The following MYO10 variants were observed in gnomAD, a reference collection of about 807,000 sequenced individuals.
MYO10 encodes the protein myosin X.
In MYO10, 133 loss-of-function variants were observed where a neutral mutation model predicts 257.3. The observed-to-expected ratio is 0.52, with a 90% confidence interval of 0.45 to 0.60. The LOEUF is 0.60. Among genes scored for constraint, MYO10 ranks in the 20% least tolerant of loss-of-function variants. The probability of loss-of-function intolerance (pLI) is 0.00; values close to 1 mark genes in which losing one functional copy is unlikely to be tolerated. For missense variants in MYO10, 2,399 were observed against 2,635.7 expected (o/e 0.91, Z 1.97); for synonymous variants, 1,104 against 1,028.6 (o/e 1.07, Z -1.40).
intron 1 of MYO10, among the ~76,000 whole-genome samples, chr5:16,878,394 C>T (rs1394638699): frequency 6.6e-6 from 1 of 152,172 alleles, no homozygotes; most frequent in Non-Finnish European, 1.5e-5. Context: ...CTTCAAAGTT[C>T]AGGATTGTAT....
intron 9 of MYO10, among the ~76,000 whole-genome samples, chr5:16,779,245 T>G (rs2126667495): frequency 6.6e-6 from 1 of 152,204 alleles, no homozygotes; most frequent in East Asian, 1.9e-4. Flanking sequence ...TTTGGGGGGT[T>G]TTTTGGGGGT....
At chr5:16,788,287 AT>A (rs1741652200) in intron 4 of MYO10, among the ~76,000 whole-genome samples, 2 of 152,150 alleles carry the variant, frequency 1.3e-5, no homozygotes, top group South Asian at 4.1e-4. Context: ...ACAGGGAGGC[AT>A]CAGGGATGAC....
At chr5:16,670,448 C>A (rs1579784848) in intron 39 of MYO10, 78 bp downstream of exon 39, 1 of 1,314,454 alleles carries the variant, frequency 7.6e-7, no homozygotes, top group Non-Finnish European at 1.0e-6. Context: ...TGTCTTCTCT[C>A]CACATGAACT....
chr5:16,680,225 A>AT (rs1044559276), intron 32 of MYO10, 121 bp from the exon 33 acceptor site: 4 of 1,224,030 alleles, frequency 3.3e-6, no homozygotes, highest in Non-Finnish European at 4.5e-6. Flanking sequence ...CACTGGCTTA[A>AT]TTCCTACATG....
At chr5:16,727,334 G>C (rs1048305409) in intron 19 of MYO10, among the ~76,000 whole-genome samples, 2 of 152,080 alleles carry the variant, frequency 1.3e-5, no homozygotes, top group African/African-American at 4.8e-5. Context: ...AAACAACAAG[G>C]CTTAAAATTC....
intron 1 of MYO10, among the ~76,000 whole-genome samples, chr5:16,935,213 T>C (rs1279365748): frequency 6.6e-6 from 1 of 152,104 alleles, no homozygotes; most frequent in Non-Finnish European, 1.5e-5. Context: ...AAATACATGA[T>C]CATTTGATCC....
At chr5:16,816,912 C>G (rs1055826659) in intron 3 of MYO10, among the ~76,000 whole-genome samples, 1 of 151,784 alleles carries the variant, frequency 6.6e-6, no homozygotes, top group Non-Finnish European at 1.5e-5. Context: ...CTCTGCCTCC[C>G]GGGTTCAAGC....
intron 19 of MYO10, among the ~76,000 whole-genome samples, chr5:16,720,061 G>GC (rs1739089671): frequency 6.6e-6 from 1 of 151,316 alleles, no homozygotes; most frequent in African/African-American, 2.4e-5. Flanking sequence ...CATAGACTAA[G>GC]CACCCACACA....
At chr5:16,769,241 T>C in intron 9 of MYO10, 38 bp from the exon 10 acceptor site, 1 of 1,543,712 alleles carries the variant, frequency 6.5e-7, no homozygotes, top group Non-Finnish European at 8.7e-7. Flanking sequence ...TATGTCGTTT[T>C]TTCACACTGA....
chr5:16,808,855 A>G lies in MYO10; in HGVS notation c.279+9154T>C, dbSNP rs574508847. Among the ~76,000 whole-genome samples, 89 of 152,120 alleles carry G rather than the reference A, an allele frequency of 5.9e-4. 1 individual carries two copies. The South Asian group carries it at 0.015, about 26-fold the overall frequency. On this transcript the variant is annotated intron_variant, in intron 3 of 40. Transcript: ENST00000513610. ...CCTGGCTAATTTTTGTATTTTTAGT[A>G]GAGATGGGGTTTCACCATGTTGGCC... is the stretch of plus-strand genomic sequence containing the variant.
At chr5:16,780,182 T>C (rs1487374995) in intron 8 of MYO10, among the ~76,000 whole-genome samples, 1 of 152,152 alleles carries the variant, frequency 6.6e-6, no homozygotes, top group African/African-American at 2.4e-5. Context: ...ATTACAGGTG[T>C]GTGCCACTGC....
intron 23 of MYO10, 131 bp from the exon 24 acceptor site, chr5:16,702,719 A>G (rs963828724): frequency 6.1e-6 from 6 of 983,980 alleles, no homozygotes; most frequent in African/African-American, 5.0e-5. Flanking sequence ...TCCTCTGGCC[A>G]TGGATTTATT....
At chr5:16,685,635 G>T (rs559480279) in intron 29 of MYO10, 103 bp downstream of exon 29, 101 of 856,598 alleles carry the variant, frequency 1.2e-4, no homozygotes, top group Middle Eastern at 3.2e-4. Context: ...TTTAAAAAAA[G>T]ACTGTCTGGA....
At chr5:16,891,610 G>A (rs1745063719) in intron 1 of MYO10, among the ~76,000 whole-genome samples, 1 of 152,144 alleles carries the variant, frequency 6.6e-6, no homozygotes, top group South Asian at 2.1e-4. Context: ...TACTTTAAAT[G>A]GGTGAATGTC....
Position 16,673,740 on chromosome 5 carries a change from T to C in MYO10, c.5114A>G (p.Tyr1705Cys), listed in dbSNP as rs745877715. 17 of 1,613,818 alleles carry C rather than the reference T, an allele frequency of 1.1e-5. No individual in the cohort carries two copies. The African/African-American group carries it at 1.2e-4, about 11-fold the overall frequency. The change falls in exon 36 of 41, where the codon TAT (tyrosine) becomes TGT (cysteine). Residue 1705 changes from tyrosine (Y) to cysteine (C), a missense_variant. Transcript: ENST00000513610. ...CTTGCAGGAGCCGCCGCCATGGCAA[T>C]AGACCGTGGATGTCATTTCCTGCCT... ...IHRQEMTSTV[Y>C]CHGGGSCKIT... is the part of the protein sequence containing the mutation.
chr5:16,778,688 G>GTTTTTTTTT (rs55880979), intron 9 of MYO10, among the ~76,000 whole-genome samples: 50 of 107,538 alleles, frequency 4.6e-4, no homozygotes, highest in African/African-American at 1.8e-3. Context: ...CTTTGCTGAG[G>GTTTTTTTTT]TTTTTTTTTT....
chr5:16,753,955 G>T (rs1740456182), intron 19 of MYO10, among the ~76,000 whole-genome samples: 1 of 152,008 alleles, frequency 6.6e-6, no homozygotes, highest in African/African-American at 2.4e-5. Flanking sequence ...ACCTTATGAG[G>T]ATGGCATCTA....
Position 16,701,638 on chromosome 5 carries a change from C to A in MYO10, c.2757G>T (p.Leu919=), listed in dbSNP as rs184661332. ...LSLTEASLQK[L]QERRDQELRR... Reference sequence around the variant, plus strand: ...GGAGCTCCTGGTCCCGCCGCTCCTGCAGCTTCTGCAGGGAAGCCTCGGTCA... The same window carrying A: ...GGAGCTCCTGGTCCCGCCGCTCCTGAAGCTTCTGCAGGGAAGCCTCGGTCA... Residue 919 remains leucine (L), a synonymous_variant, in exon 25 of 41, where the codon CTG becomes CTT. Transcript: ENST00000513610. This position sits in a 1 kb window ranked among gnomAD's most constrained non-coding sequence, Gnocchi z 8.1. 564 of 1,613,770 alleles carry A rather than the reference C, an allele frequency of 3.5e-4. 1 individual carries two copies. In the African/African-American group the frequency reaches 6.7e-3, roughly 19 times the overall value.
At position 16,804,477 on chromosome 5, in the gene MYO10, G is replaced by A. The variant is rs79656127; in HGVS notation, c.280-9644C>T. ...ACTTACTACTGGGTTTTTACTGTTT[G>A]TGTCCATGCACATGACAAATGGCAC... On this transcript the variant is annotated intron_variant, in intron 3 of 40. Transcript: ENST00000513610. 2.5e-3 allele frequency among the ~76,000 whole-genome samples: 374 copies of A among 152,310 alleles called. 4 individuals are homozygous for A. Among genetic ancestry groups the A allele is most frequent in the African/African-American group, 8.2e-3 (341 of 41,564 alleles).
Sources: gnomAD v4.1 joint callset for allele counts (sites outside exome capture counted in the v4.1 genomes callset) on GRCh38, gnomAD v4.1.1 for gene constraint, Gnocchi (gnomAD v3.1) non-coding constraint, MANE v1.5 for transcripts, NCBI Gene and HGNC (gene_info 2026-07-23, HGNC 2026-07-21) for gene names.